Variants in PRR5L observed in about 807,000 individuals in gnomAD.
PRR5L encodes proline rich 5 like, also known as proline-rich protein 5-like.
Under a neutral mutation model 36.4 loss-of-function variants are expected in PRR5L, and 21 were observed. The observed-to-expected ratio is 0.58, with a 90% CI of 0.41 to 0.83. The LOEUF (loss-of-function observed/expected upper bound fraction) is 0.83. Ranked by LOEUF, PRR5L falls within the 40% of genes least tolerant of loss-of-function variation. The pLI is 0.00. For synonymous variants in PRR5L, 188 were observed against 197.0 expected (o/e 0.95, Z 0.38); for missense variants, 381 against 473.3 (o/e 0.80, Z 1.81).
intron 1 of PRR5L, among the ~76,000 whole-genome samples, chr11:36,343,965 C>T (rs966887828): frequency 2.0e-5 from 3 of 150,758 alleles, no homozygotes; most frequent in Admixed American, 1.3e-4. Context: ...GCCTGTAATT[C>T]GAGCACTTTG....
rs111952286 is a variant in PRR5L at position 36,437,487 on chromosome 11, T to A, written c.444+11T>A. 1 of 1,512,240 alleles carries A rather than the reference T, an allele frequency of 6.6e-7. No individual in the cohort carries two copies. The highest frequency in any genetic ancestry group is 2.3e-5 in the East Asian group (1 of 44,354). 93.7% of individuals were successfully genotyped at this position (1,512,240 alleles called of 1,614,324 possible). A position where few individuals can be genotyped will look rare whatever the true frequency, so the allele number is the denominator to read the frequency against. Reference sequence around the variant, plus strand: ...TTTTATCCAGTTCAGGTTAGTCTCATTGGGGAACACTTCCTGCCATCCTCA... The same window carrying A: ...TTTTATCCAGTTCAGGTTAGTCTCAATGGGGAACACTTCCTGCCATCCTCA... On this transcript the variant is annotated intron_variant, in intron 6 of 8. Transcript: ENST00000530639.
At chr11:36,398,421 AG>A (rs926325479) in intron 1 of PRR5L, 1 of 152,480 alleles carries the variant, frequency 6.6e-6, no homozygotes, top group Non-Finnish European at 1.5e-5. Flanking sequence ...GTTTCCCTTT[AG>A]GCCACTCTTG....
At chr11:36,351,441 ATATATATT>A (rs1359892606) in intron 1 of PRR5L, among the ~76,000 whole-genome samples, 516 of 45,572 alleles carry the variant, frequency 0.011, 56 homozygotes, top group African/African-American at 0.045. Context: ...TTATATATAC[ATATATATT>A]TATATATTTA....
chr11:36,349,156 G>A (rs1280284973), intron 1 of PRR5L, among the ~76,000 whole-genome samples: 1 of 151,774 alleles, frequency 6.6e-6, no homozygotes, highest in Non-Finnish European at 1.5e-5. Context: ...ATGGTGGCGG[G>A]CGCCTGTAAT....
chr11:36,354,797 A>G (rs944378223), intron 1 of PRR5L, among the ~76,000 whole-genome samples: 5 of 152,206 alleles, frequency 3.3e-5, no homozygotes, highest in Non-Finnish European at 7.3e-5. Context: ...CAAAGAGGGA[A>G]TCATACGGTA....
At chr11:36,333,301 A>G (rs1293642587) in intron 1 of PRR5L, among the ~76,000 whole-genome samples, 1 of 152,190 alleles carries the variant, frequency 6.6e-6, no homozygotes, top group East Asian at 1.9e-4. Flanking sequence ...GGAAAATGAC[A>G]CACTTACTTT....
intron 1 of PRR5L, among the ~76,000 whole-genome samples, chr11:36,372,121 A>C (rs1322338094): frequency 3.9e-5 from 6 of 152,136 alleles, no homozygotes; most frequent in Non-Finnish European, 5.9e-5. Context: ...AAATTGAGTA[A>C]TTTTCATTAT....
chr11:36,360,965 C>T (rs1857080294), intron 1 of PRR5L, among the ~76,000 whole-genome samples: 1 of 152,154 alleles, frequency 6.6e-6, no homozygotes, highest in African/African-American at 2.4e-5. Context: ...TCACGCAGGG[C>T]CCCATGCTCA....
chr11:36,431,637 C>A (rs1317317135), intron 4 of PRR5L, among the ~76,000 whole-genome samples: 1 of 152,060 alleles, frequency 6.6e-6, no homozygotes, highest in African/African-American at 2.4e-5. Flanking sequence ...TTGGGTTTGC[C>A]TCTTATCTCA....
chr11:36,306,833 C>T (rs1336043078), intron 1 of PRR5L, among the ~76,000 whole-genome samples: 1 of 152,042 alleles, frequency 6.6e-6, no homozygotes, highest in African/African-American at 2.4e-5. Context: ...TGTCAACTTC[C>T]TCTTCCTTTT....
intron 1 of PRR5L, among the ~76,000 whole-genome samples, chr11:36,367,498 A>C (rs1233903835): frequency 6.6e-6 from 1 of 152,206 alleles, no homozygotes; most frequent in Non-Finnish European, 1.5e-5. Context: ...ACTGCCTTCA[A>C]ATGGAACTGT....
At chr11:36,338,343 C>T (rs188788980) in intron 1 of PRR5L, among the ~76,000 whole-genome samples, 6 of 152,308 alleles carry the variant, frequency 3.9e-5, no homozygotes, top group Admixed American at 1.3e-4. Flanking sequence ...TCATTCACCC[C>T]GCTTGAAATG....
intron 1 of PRR5L, among the ~76,000 whole-genome samples, chr11:36,313,882 A>C (rs1483987472): frequency 6.6e-6 from 1 of 152,222 alleles, no homozygotes; most frequent in East Asian, 1.9e-4. Flanking sequence ...GGCAGCATGC[A>C]CTGGGCAGTT....
At chr11:36,366,625 A>G (rs994277414) in intron 1 of PRR5L, among the ~76,000 whole-genome samples, 2 of 152,190 alleles carry the variant, frequency 1.3e-5, no homozygotes, top group African/African-American at 4.8e-5. Context: ...ATTAATTAGT[A>G]TTTTAGTTTA....
At chr11:36,393,621 A>G (rs529799182) in intron 1 of PRR5L, among the ~76,000 whole-genome samples, 1 of 152,112 alleles carries the variant, frequency 6.6e-6, no homozygotes, top group Non-Finnish European at 1.5e-5. Context: ...TGATTCCTCC[A>G]GTTTTGTTCT....
chr11:36,447,771 A>G (rs569262498), intron 7 of PRR5L, among the ~76,000 whole-genome samples: 28 of 152,216 alleles, frequency 1.8e-4, no homozygotes, highest in African/African-American at 6.5e-4. Flanking sequence ...AGAGAGGAGG[A>G]AGAGTTGCCT....
rs1489115988 is a variant in PRR5L, at chr11:36,462,610, C to T, written c.981C>T (p.Pro327=). Residue 327 remains proline, a synonymous_variant, in exon 9 of 9, where the codon CCC becomes CCT. Coordinates refer to ENST00000530639, the MANE Select transcript of PRR5L (RefSeq NM_001160167.2). ...AGAACAAGTGCCTGCTCCTGCCACC[C>T]AGCTTCCCCCCGCCCCACCGGCAGT... The part of the protein sequence containing the change: ...SSENKCLLLP[P]SFPPPHRQCS... 3 of 1,612,526 alleles carry T rather than the reference C, an allele frequency of 1.9e-6. No individual in the cohort carries two copies. The highest frequency in any genetic ancestry group is 2.5e-6 in the Non-Finnish European group (3 of 1,179,940).
At chr11:36,334,187 T>C (rs996122099) in intron 1 of PRR5L, among the ~76,000 whole-genome samples, 1 of 152,174 alleles carries the variant, frequency 6.6e-6, no homozygotes, top group African/African-American at 2.4e-5. Context: ...GGCTGGGAAA[T>C]GTAGTCTTTA....
chr11:36,456,859 C>T (rs1375726797), intron 8 of PRR5L, among the ~76,000 whole-genome samples: 1 of 152,228 alleles, frequency 6.6e-6, no homozygotes, highest in Non-Finnish European at 1.5e-5. Context: ...TTGGGGGCCC[C>T]ACATCAGATT....
Sources: gnomAD v4.1 joint callset for allele counts (sites outside exome capture counted in the v4.1 genomes callset) on GRCh38, gnomAD v4.1.1 for gene constraint, MANE v1.5 for transcripts, NCBI Gene and HGNC (gene_info 2026-07-23, HGNC 2026-07-21) for gene names.